Variants in GLDC observed in about 807,000 individuals in gnomAD.
GLDC encodes the protein glycine dehydrogenase (decarboxylating), mitochondrial.
Under a neutral mutation model 121.3 loss-of-function variants are expected in GLDC, and 104 were observed. The observed-to-expected ratio is 0.86, with a 90% CI of 0.73 to 1.01. The LOEUF is 1.01. Among genes scored for constraint, GLDC ranks in the 50% least tolerant of loss-of-function variants. The probability of loss-of-function intolerance (pLI) is 0.00; values close to 1 mark genes in which losing one functional copy is unlikely to be tolerated. For synonymous variants in GLDC, 546 were observed against 480.6 expected (o/e 1.14, Z -1.78); for missense variants, 1,429 against 1,306.6 (o/e 1.09, Z -1.44).
At chr9:6,536,575 T>C (rs1226647905) in intron 22 of GLDC, among the ~76,000 whole-genome samples, 1 of 152,200 alleles carries the variant, frequency 6.6e-6, no homozygotes, top group African/African-American at 2.4e-5. Context: ...CATTTCTATA[T>C]ATAAATAAAA....
At chr9:6,549,656 G>C (rs1350867214) in intron 21 of GLDC, among the ~76,000 whole-genome samples, 1 of 152,072 alleles carries the variant, frequency 6.6e-6, no homozygotes. Context: ...ATGTGTAAAA[G>C]GATGCCTGGT....
chr9:6,565,167 A>G (rs879804427), intron 16 of GLDC, among the ~76,000 whole-genome samples, 187 bp downstream of exon 16: 7 of 152,228 alleles, frequency 4.6e-5, no homozygotes, highest in African/African-American at 9.6e-5. Context: ...TTTTTCCTCA[A>G]AATGGTCAAG....
chr9:6,621,935 T>C (rs981163418), intron 2 of GLDC, among the ~76,000 whole-genome samples: 5 of 152,184 alleles, frequency 3.3e-5, no homozygotes, highest in African/African-American at 1.2e-4. Context: ...CAAATGGCTG[T>C]CTTCTTTAAG....
rs1819581539 is a variant in GLDC at position 6,639,488 on chromosome 9, C to G, written c.334+5126G>C. 10 of 880,922 alleles carry G rather than the reference C, an allele frequency of 1.1e-5. 1 individual carries two copies. The highest frequency in any genetic ancestry group is 1.7e-5 in the Non-Finnish European group (9 of 524,534). 54.6% of individuals were successfully genotyped at this position (880,922 alleles called of 1,614,324 possible). A position where few individuals can be genotyped will look rare whatever the true frequency, so the allele number is the denominator to read the frequency against. On this transcript the variant is annotated intron_variant, in intron 2 of 24. Coordinates refer to ENST00000321612, the MANE Select transcript of GLDC (RefSeq NM_000170.3). ...AGATTAAACAGGCTGTGAAGAAGCT[C>G]TATGACAATGATGTGGCCAAGGGCA...
chr9:6,559,758 C>T (rs1422805347), intron 16 of GLDC, among the ~76,000 whole-genome samples: 4 of 145,620 alleles, frequency 2.7e-5, no homozygotes, highest in East Asian at 4.2e-4. Flanking sequence ...GAGGTTGCAG[C>T]GAGCCGAGAT....
chr9:6,580,654 G>A lies in GLDC; in HGVS notation c.1850+6487C>T, dbSNP rs538216344. ...TCAGCTGACTCTTGTCTCCTTGCGG[G>A]CTGGTTTTGCAATAAATAAAGCCCT... On this transcript the variant is annotated intron_variant, in intron 15 of 24. Transcript: ENST00000321612. Among the ~76,000 whole-genome samples, 15 of 152,248 alleles carry A rather than the reference G, an allele frequency of 9.9e-5. No homozygotes were observed. The South Asian group carries it at 3.1e-3, about 32-fold the overall frequency.
intron 8 of GLDC, among the ~76,000 whole-genome samples, chr9:6,601,417 T>C (rs1314246878): frequency 6.6e-6 from 1 of 152,238 alleles, no homozygotes; most frequent in Non-Finnish European, 1.5e-5. Flanking sequence ...ATTTTAAGTC[T>C]GTATATAAAA....
intron 24 of GLDC, chr9:6,534,056 C>T (rs1338085103): frequency 6.6e-6 from 1 of 151,496 alleles, no homozygotes; most frequent in African/African-American, 2.4e-5. Flanking sequence ...ACTAAAAATA[C>T]AAAAAATTAC....
At chr9:6,538,296 A>C (rs1409395448) in intron 22 of GLDC, among the ~76,000 whole-genome samples, 1 of 152,212 alleles carries the variant, frequency 6.6e-6, no homozygotes, top group Non-Finnish European at 1.5e-5. Flanking sequence ...GTAGGGTCCA[A>C]AAATCTATGA....
At chr9:6,620,588 C>T (rs561285452) in intron 2 of GLDC, among the ~76,000 whole-genome samples, 129 of 152,130 alleles carry the variant, frequency 8.5e-4, no homozygotes, top group Non-Finnish European at 1.4e-3. Flanking sequence ...TAGAACTGCC[C>T]ATTTTAACAC....
intron 15 of GLDC, chr9:6,568,698 A>C (rs1225339352): frequency 1.3e-5 from 2 of 151,482 alleles, no homozygotes; most frequent in African/African-American, 4.9e-5. Flanking sequence ...ACATACAAAA[A>C]ATTAGCCGGG....
chr9:6,568,405 A>T (rs1049522497), intron 15 of GLDC, among the ~76,000 whole-genome samples: 1 of 152,230 alleles, frequency 6.6e-6, no homozygotes, highest in Non-Finnish European at 1.5e-5. Context: ...ACAAACTATT[A>T]TATATGGAGG....
chr9:6,578,467 C>T (rs966966821), intron 15 of GLDC, among the ~76,000 whole-genome samples: 9 of 152,014 alleles, frequency 5.9e-5, no homozygotes, highest in Non-Finnish European at 1.2e-4. Flanking sequence ...TTCCTGTTAG[C>T]ACTGTTTTAG....
At chr9:6,536,876 C>A (rs1817139106) in intron 22 of GLDC, among the ~76,000 whole-genome samples, 1 of 152,136 alleles carries the variant, frequency 6.6e-6, no homozygotes, top group East Asian at 1.9e-4. Context: ...ATGTGGAAAG[C>A]CTTTGCCTTT....
At chr9:6,560,790 C>T (rs367869597) in intron 16 of GLDC, among the ~76,000 whole-genome samples, 2 of 152,202 alleles carry the variant, frequency 1.3e-5, no homozygotes, top group Non-Finnish European at 2.9e-5. Flanking sequence ...TCCTCGGAAC[C>T]TGTGGGTGTT....
intron 15 of GLDC, among the ~76,000 whole-genome samples, chr9:6,585,796 T>C (rs997015437): frequency 6.6e-6 from 1 of 152,168 alleles, no homozygotes; most frequent in Admixed American, 6.5e-5. Context: ...TAAACTCACA[T>C]ACCGATAACA....
Position 6,533,794 on chromosome 9 carries a change from G to A in GLDC, c.2920-634C>T, listed in dbSNP as rs369095826. On this transcript the variant is annotated intron_variant, in intron 24 of 24. Coordinates refer to ENST00000321612, the MANE Select transcript of GLDC (RefSeq NM_000170.3). ...AATCGCTTTAACCTGGGAGGCAGAG[G>A]TTGTGGTGAGCCGAGATGGTGCCAT... Among the ~76,000 whole-genome samples, 62 of 150,952 alleles carry A rather than the reference G, an allele frequency of 4.1e-4. 1 individual carries two copies. In the East Asian group the frequency reaches 5.5e-3, roughly 13 times the overall value.
At chr9:6,569,383 G>C (rs1048417721) in intron 15 of GLDC, 7 of 152,186 alleles carry the variant, frequency 4.6e-5, no homozygotes, top group African/African-American at 1.7e-4. Context: ...GCCGGGCGTG[G>C]TGGCTCACTC....
At chr9:6,551,260 G>C (rs1271263412) in intron 20 of GLDC, among the ~76,000 whole-genome samples, 2 of 152,180 alleles carry the variant, frequency 1.3e-5, no homozygotes, top group African/African-American at 4.8e-5. Flanking sequence ...TGTTTACTAT[G>C]AATTTGAGAG....
Sources: gnomAD v4.1 joint callset for allele counts (sites outside exome capture counted in the v4.1 genomes callset) on GRCh38, gnomAD v4.1.1 for gene constraint, MANE v1.5 for transcripts, NCBI Gene and HGNC (gene_info 2026-07-23, HGNC 2026-07-21) for gene names.